The following ATP1A4 variants were observed in gnomAD, a reference collection of about 807,000 sequenced individuals.
ATP1A4 encodes sodium/potassium-transporting ATPase subunit alpha-4.
In ATP1A4, 90 loss-of-function variants were observed where a neutral mutation model predicts 114.3. The ratio of observed to expected loss-of-function variants is 0.79; its 90% CI spans 0.66 to 0.94. The LOEUF (loss-of-function observed/expected upper bound fraction) is 0.94. Among genes scored for constraint, ATP1A4 ranks in the 40% least tolerant of loss-of-function variants. The pLI, the probability that ATP1A4 is intolerant of heterozygous loss-of-function variation, is 0.00. For synonymous variants in ATP1A4, 511 were observed against 494.1 expected (o/e 1.03, Z -0.45); for missense variants, 1,222 against 1,313.6 (o/e 0.93, Z 1.08).
In ATP1A4 at chr1:160,165,384, C is replaced by T. The variant is rs1011297493; in HGVS notation, c.1047+960C>T. On this transcript the variant is annotated intron_variant, in intron 7 of 21. Coordinates refer to ENST00000368081, the MANE Select transcript of ATP1A4 (RefSeq NM_144699.4). ...TGACTTACATTGCCTTCACAATCAA[C>T]AAAAGTCTTTTGGTTTAAATGATTT... is the stretch of plus-strand genomic sequence containing the variant. Among the ~76,000 whole-genome samples the T allele has an allele frequency of 2.0e-5, 3 of 152,332 alleles. 1 individual carries two copies. The South Asian group carries it at 6.2e-4, about 32-fold the overall frequency.
intron 7 of ATP1A4, among the ~76,000 whole-genome samples, chr1:160,166,154 G>C (rs1558020915): frequency 4.6e-5 from 7 of 152,116 alleles, no homozygotes. Flanking sequence ...CCTGTAGTCT[G>C]AGCTACTCGG....
intron 18 of ATP1A4, among the ~76,000 whole-genome samples, chr1:160,179,360 A>T (rs1353200899): frequency 6.6e-6 from 1 of 152,230 alleles, no homozygotes; most frequent in Non-Finnish European, 1.5e-5. Context: ...TGCTGCCAAG[A>T]TGCAGCATAA....
intron 2 of ATP1A4, among the ~76,000 whole-genome samples, chr1:160,153,492 C>G (rs1488067853): frequency 5.9e-5 from 9 of 152,178 alleles, no homozygotes; most frequent in Admixed American, 5.9e-4. Context: ...CTCCTTTACA[C>G]TCTTAGAATT....
intron 6 of ATP1A4, among the ~76,000 whole-genome samples, chr1:160,160,431 G>T (rs993266446): frequency 6.6e-5 from 10 of 152,172 alleles, no homozygotes; most frequent in African/African-American, 2.4e-4. Flanking sequence ...TGGCCAGGCT[G>T]GTCTCGAACT....
intron 15 of ATP1A4, among the ~76,000 whole-genome samples, chr1:160,175,589 G>A (rs73025563): frequency 0.014 from 2,114 of 151,772 alleles, 43 homozygotes; most frequent in African/African-American, 0.049. Context: ...AAGTGCCATG[G>A]GACAGACCAA....
chr1:160,164,213 C>T lies in ATP1A4; in HGVS notation c.836C>T (p.Ala279Val). 1 of 1,614,200 alleles carries T rather than the reference C, an allele frequency of 6.2e-7. No individual in the cohort carries two copies. Among genetic ancestry groups the T allele is most frequent in the Non-Finnish European group, 8.5e-7 (1 of 1,180,040 alleles). The change falls in exon 7 of 22, where the codon GCC (alanine) becomes GTC (valine). Residue 279 changes from alanine (A) to valine (V), a missense_variant. By Grantham distance (64) the Ala-to-Val change is moderately conservative. Coordinates refer to ENST00000368081, the MANE Select transcript of ATP1A4 (RefSeq NM_144699.4). The stretch of plus-strand genomic sequence containing the variant: ...GACTCCACAGTGATGGGCAGAATTG[C>T]CTCCCTGACGTCAGGCCTGGCGGTT... ...TGDSTVMGRI[A>V]SLTSGLAVGQ...
intron 13 of ATP1A4, 138 bp downstream of exon 13, chr1:160,173,855 A>C: frequency 1.7e-6 from 2 of 1,193,604 alleles, no homozygotes; most frequent in South Asian, 3.1e-5. Context: ...AAAGTAAAAC[A>C]TAATAGGAAA....
chr1:160,159,388 G>GCGTC, intron 5 of ATP1A4, 21 bp from the exon 6 acceptor site: 1 of 1,586,780 alleles, frequency 6.3e-7, no homozygotes, highest in Non-Finnish European at 8.6e-7. Flanking sequence ...ACCTTACAAC[G>GCGTC]CGTCCCCTCT....
intron 18 of ATP1A4, among the ~76,000 whole-genome samples, chr1:160,179,304 C>CA (rs1398202566): frequency 6.6e-6 from 1 of 152,228 alleles, no homozygotes; most frequent in Non-Finnish European, 1.5e-5. Context: ...GCCAACATCT[C>CA]AACTCCCAGC....
chr1:160,162,874 T>C (rs1213114111), intron 6 of ATP1A4, among the ~76,000 whole-genome samples: 1 of 152,188 alleles, frequency 6.6e-6, no homozygotes, highest in African/African-American at 2.4e-5. Flanking sequence ...CAATAGAAGA[T>C]ACTCAGATTA....
intron 4 of ATP1A4, 125 bp downstream of exon 4, chr1:160,156,283 G>C (rs1468520116): frequency 2.9e-6 from 2 of 678,804 alleles, no homozygotes. Flanking sequence ...TGATGAGGGG[G>C]TCAAGGTACT....
chr1:160,168,403 AAGG>A (rs761283577), intron 10 of ATP1A4, among the ~76,000 whole-genome samples: 171 of 72,102 alleles, frequency 2.4e-3, no homozygotes, highest in Non-Finnish European at 4.0e-3. Context: ...TTTTTTTGAG[AAGG>A]AGTTTTGCTC....
chr1:160,185,508 G>A (rs147703946), intron 20 of ATP1A4, among the ~76,000 whole-genome samples: 235 of 152,190 alleles, frequency 1.5e-3, no homozygotes, highest in African/African-American at 5.0e-3. Flanking sequence ...GGCTCAGGCC[G>A]GGCACGATGG....
chr1:160,177,451 C>A, intron 17 of ATP1A4, 68 bp from the exon 18 acceptor site: 1 of 1,574,616 alleles, frequency 6.4e-7, no homozygotes, highest in Non-Finnish European at 8.7e-7. Flanking sequence ...CCCAGCCCTC[C>A]CCTGGCCTAC....
At position 160,159,051 on chromosome 1, in the gene ATP1A4, A is replaced by T. The variant is rs1408376361; in HGVS notation, c.575A>T (p.Glu192Val). ...GGEKMQINVQ[E>V]VVLGDLVEIK... ...GAGAAGATGCAAATTAATGTACAAG[A>T]GGTGGTGTTGGGAGACCTGGTGGAA... Residue 192 changes from glutamate to valine, a missense_variant, in exon 5 of 22, where the codon GAG (glutamate) becomes GTG (valine). Glu to Val is a moderately radical substitution (Grantham distance 121). Transcript: ENST00000368081. 6.2e-7 allele frequency: 1 copy of T among 1,614,032 alleles called. No homozygotes were observed. Among genetic ancestry groups the T allele is most frequent in the African/African-American group, 1.3e-5 (1 of 74,996 alleles).
chr1:160,155,163 C>G lies in ATP1A4; in HGVS notation c.326C>G (p.Ser109Cys). Residue 109 changes from serine (S) to cysteine (C), a missense_variant, in exon 3 of 22, where the codon TCC (serine) becomes TGC (cysteine). Physicochemically the swap from Ser to Cys is moderately radical, Grantham distance 112 (BLOSUM62 -1). Coordinates refer to ENST00000368081, the MANE Select transcript of ATP1A4 (RefSeq NM_144699.4). Reference protein sequence around the residue: ...KFCKQLFGGFSLLLWTGAILC... With the variant: ...KFCKQLFGGFCLLLWTGAILC... Reference sequence around the variant, plus strand: ...TGTAAGCAACTGTTCGGAGGCTTCTCCCTCCTACTATGGACTGGGGCCATT... The same window carrying G: ...TGTAAGCAACTGTTCGGAGGCTTCTGCCTCCTACTATGGACTGGGGCCATT... 1 of 1,613,318 alleles carries G rather than the reference C, an allele frequency of 6.2e-7. No individual in the cohort carries two copies. The highest frequency in any genetic ancestry group is 8.5e-7 in the Non-Finnish European group (1 of 1,179,664).
chr1:160,182,969 G>A (rs903142536), intron 20 of ATP1A4: 7 of 152,168 alleles, frequency 4.6e-5, no homozygotes, highest in Non-Finnish European at 8.8e-5. Context: ...CACCACATCC[G>A]GCCTTCTTCC....
Position 160,156,006 on chromosome 1 carries a change from A to G in ATP1A4, c.412-39A>G, listed in dbSNP as rs774633003. Reference sequence around the variant, plus strand: ...ATTTTCTGAGGATGAAGAAGACGACAAGGTCCCACTGATAAACGCTTTCTT... The same window carrying G: ...ATTTTCTGAGGATGAAGAAGACGACGAGGTCCCACTGATAAACGCTTTCTT... On this transcript the variant is annotated intron_variant, in intron 3 of 21. Coordinates refer to ENST00000368081, the MANE Select transcript of ATP1A4 (RefSeq NM_144699.4). The G allele has an allele frequency of 8.8e-6, 11 of 1,252,608 alleles. No individual in the cohort carries two copies. In the Admixed American group the frequency reaches 1.9e-4, roughly 21 times the overall value. 77.6% of individuals were successfully genotyped at this position (1,252,608 alleles called of 1,614,324 possible). A position where few individuals can be genotyped will look rare whatever the true frequency, so the allele number is the denominator to read the frequency against.
rs112925555 is a variant in ATP1A4 at position 160,155,453 on chromosome 1, A to C, written c.411+205A>C. Reference sequence around the variant, plus strand: ...CAATGTAATTGATTAATTACATTGTAATGAATGTAATTAATTATAAAATGT... The same window carrying C: ...CAATGTAATTGATTAATTACATTGTCATGAATGTAATTAATTATAAAATGT... On this transcript the variant is annotated intron_variant, in intron 3 of 21. Coordinates refer to ENST00000368081, the MANE Select transcript of ATP1A4 (RefSeq NM_144699.4). Among the ~76,000 whole-genome samples the C allele has an allele frequency of 7.9e-3, 1,203 of 152,208 alleles. 11 individuals are homozygous for C. The highest frequency in any genetic ancestry group is 0.027 in the African/African-American group (1,126 of 41,532).
Sources: gnomAD v4.1 joint callset for allele counts (sites outside exome capture counted in the v4.1 genomes callset) on GRCh38, gnomAD v4.1.1 for gene constraint, MANE v1.5 for transcripts, NCBI Gene and HGNC (gene_info 2026-07-23, HGNC 2026-07-21) for gene names.